The following GPR158 variants were observed in gnomAD, a reference collection of about 807,000 sequenced individuals.
GPR158 encodes the protein G protein-coupled receptor 158, also known as metabotropic glycine receptor.
In GPR158, 30 loss-of-function variants were observed where a neutral mutation model predicts 78.2. The ratio of observed to expected loss-of-function variants is 0.38; its 90% CI spans 0.29 to 0.52. GPR158 has a LOEUF of 0.52. GPR158 is among the 20% of genes least tolerant of loss of function. The pLI is 0.83. For missense variants in GPR158, 1,463 were observed against 1,523.5 expected (o/e 0.96, Z 0.66); for synonymous variants, 581 against 591.1 (o/e 0.98, Z 0.25).
At chr10:25,420,450 G>A (rs1290893465) in intron 4 of GPR158, among the ~76,000 whole-genome samples, 1 of 152,066 alleles carries the variant, frequency 6.6e-6, no homozygotes, top group Non-Finnish European at 1.5e-5. Context: ...ACCTTACTTG[G>A]CCCCCAGTGT....
At chr10:25,500,923 G>A (rs1227689254) in intron 5 of GPR158, among the ~76,000 whole-genome samples, 1 of 152,198 alleles carries the variant, frequency 6.6e-6, no homozygotes, top group African/African-American at 2.4e-5. Context: ...TTTGCTTGGA[G>A]GTCTCCAGCT....
chr10:25,504,788 GT>G (rs1435059653), intron 5 of GPR158, among the ~76,000 whole-genome samples: 5 of 152,160 alleles, frequency 3.3e-5, no homozygotes, highest in African/African-American at 1.2e-4. Flanking sequence ...TCATGGGAAA[GT>G]TTTCATTCTA....
intron 6 of GPR158, among the ~76,000 whole-genome samples, chr10:25,556,804 T>C (rs1836792339): frequency 6.6e-6 from 1 of 152,168 alleles, no homozygotes; most frequent in Non-Finnish European, 1.5e-5. Context: ...GCCAAACATC[T>C]TAAAGAAAAT....
At chr10:25,346,724 CTT>C (rs1205181633) in intron 2 of GPR158, among the ~76,000 whole-genome samples, 2 of 151,888 alleles carry the variant, frequency 1.3e-5, no homozygotes, top group Non-Finnish European at 2.9e-5. Context: ...ATTGAGAAAA[CTT>C]TTGCAAAAAT....
At chr10:25,387,913 T>C (rs542295995) in intron 2 of GPR158, among the ~76,000 whole-genome samples, 14 of 152,312 alleles carry the variant, frequency 9.2e-5, no homozygotes, top group Admixed American at 7.8e-4. Context: ...TTATGGGCAC[T>C]TTTTTATTGG....
At chr10:25,181,577 G>T (rs1030575452) in intron 1 of GPR158, among the ~76,000 whole-genome samples, 15 of 152,166 alleles carry the variant, frequency 9.9e-5, no homozygotes, top group African/African-American at 3.6e-4. Flanking sequence ...CTATATCTTT[G>T]ACTTAGGGTG....
intron 2 of GPR158, among the ~76,000 whole-genome samples, chr10:25,355,878 A>G (rs1283049595): frequency 6.6e-6 from 1 of 151,978 alleles, no homozygotes; most frequent in Non-Finnish European, 1.5e-5. Context: ...AATAGTGTGG[A>G]AATGCAGAAC....
chr10:25,354,688 T>C (rs1290214808), intron 2 of GPR158, among the ~76,000 whole-genome samples: 1 of 152,112 alleles, frequency 6.6e-6, no homozygotes, highest in Non-Finnish European at 1.5e-5. Context: ...TTTTTGCACA[T>C]TAGCATCTTT....
At chr10:25,554,641 T>C (rs1248263715) in intron 6 of GPR158, among the ~76,000 whole-genome samples, 1 of 152,162 alleles carries the variant, frequency 6.6e-6, no homozygotes, top group African/African-American at 2.4e-5. Flanking sequence ...TATGATGGTC[T>C]CTCCCCACAT....
intron 2 of GPR158, among the ~76,000 whole-genome samples, chr10:25,265,763 C>T (rs978321971): frequency 2.6e-5 from 4 of 152,116 alleles, no homozygotes; most frequent in African/African-American, 4.8e-5. Context: ...GAATATTTTG[C>T]CAGAAGAACC....
At chr10:25,194,173 G>T (rs1025229904) in intron 1 of GPR158, among the ~76,000 whole-genome samples, 3 of 152,136 alleles carry the variant, frequency 2.0e-5, no homozygotes, top group Admixed American at 1.3e-4. Flanking sequence ...TTATGGTGGG[G>T]TCTAAAATGT....
intron 2 of GPR158, among the ~76,000 whole-genome samples, chr10:25,365,700 A>G (rs953182855): frequency 1.3e-5 from 2 of 151,708 alleles, no homozygotes; most frequent in African/African-American, 4.8e-5. Context: ...GAAAGGAACT[A>G]AAAGATCCTT....
intron 2 of GPR158, among the ~76,000 whole-genome samples, chr10:25,305,577 C>T (rs961366016): frequency 3.3e-5 from 5 of 152,034 alleles, no homozygotes; most frequent in African/African-American, 1.2e-4. Flanking sequence ...AAGGAGATGC[C>T]TGTGTTGTGC....
chr10:25,354,727 A>T (rs1855524568), intron 2 of GPR158, among the ~76,000 whole-genome samples: 2 of 151,800 alleles, frequency 1.3e-5, no homozygotes, highest in South Asian at 4.2e-4. Context: ...TCCCTTTAGC[A>T]TTTTCTGAAA....
At chr10:25,296,512 A>AT (rs1021242424) in intron 2 of GPR158, among the ~76,000 whole-genome samples, 1 of 152,088 alleles carries the variant, frequency 6.6e-6, no homozygotes, top group Non-Finnish European at 1.5e-5. Flanking sequence ...TGATTGATTG[A>AT]TTGATTATTG....
At chr10:25,548,281 G>T (rs934905555) in intron 5 of GPR158, among the ~76,000 whole-genome samples, 22 of 152,144 alleles carry the variant, frequency 1.4e-4, no homozygotes, top group African/African-American at 5.3e-4. Flanking sequence ...GCAAGATGCA[G>T]TAGAAGAAGC....
intron 2 of GPR158, among the ~76,000 whole-genome samples, chr10:25,328,407 A>G (rs1157819467): frequency 6.6e-6 from 1 of 152,168 alleles, no homozygotes; most frequent in Non-Finnish European, 1.5e-5. Context: ...AAATATATGT[A>G]CTAATATTTA....
intron 2 of GPR158, among the ~76,000 whole-genome samples, chr10:25,231,323 A>G (rs1296811104): frequency 6.6e-6 from 1 of 152,194 alleles, no homozygotes; most frequent in Non-Finnish European, 1.5e-5. Flanking sequence ...TCTGAGCCAG[A>G]AAGGAGGCAA....
At chr10:25,494,135 G>GA (rs1383592797) in intron 5 of GPR158, among the ~76,000 whole-genome samples, 2 of 152,082 alleles carry the variant, frequency 1.3e-5, no homozygotes, top group African/African-American at 2.4e-5. Context: ...CTAATTTGAG[G>GA]AAAAAAGAGA....
Sources: gnomAD v4.1 joint callset for allele counts (sites outside exome capture counted in the v4.1 genomes callset) on GRCh38, gnomAD v4.1.1 for gene constraint, MANE v1.5 for transcripts, NCBI Gene and HGNC (gene_info 2026-07-23, HGNC 2026-07-21) for gene names.